The following COLEC10 variants were observed in gnomAD, a reference collection of about 807,000 sequenced individuals.
COLEC10 encodes the protein collectin subfamily member 10.
Under a neutral mutation model 28.4 loss-of-function variants are expected in COLEC10, and 22 were observed. The observed-to-expected ratio is 0.78, with a 90% CI of 0.55 to 1.11. COLEC10 has a LOEUF of 1.11. Ranked by LOEUF, COLEC10 falls within the 50% of genes least tolerant of loss-of-function variation. COLEC10 has a pLI of 0.00. For missense variants in COLEC10, 361 were observed against 344.1 expected (o/e 1.05, Z -0.39); for synonymous variants, 125 against 116.1 (o/e 1.08, Z -0.49).
At chr8:119,044,041 G>A (rs895585271) in intron 2 of COLEC10, among the ~76,000 whole-genome samples, 9 of 152,206 alleles carry the variant, frequency 5.9e-5, no homozygotes, top group African/African-American at 1.9e-4. Context: ...AAGGTACAGG[G>A]AACATATTTA....
chr8:119,104,950 G>A (rs1048014370), intron 5 of COLEC10, among the ~76,000 whole-genome samples: 1 of 152,092 alleles, frequency 6.6e-6, no homozygotes. Flanking sequence ...AAACATACAT[G>A]CCATATTATG....
chr8:119,059,417 A>G (rs1814816485), intron 2 of COLEC10, among the ~76,000 whole-genome samples: 2 of 151,864 alleles, frequency 1.3e-5, no homozygotes, highest in Non-Finnish European at 2.9e-5. Context: ...ATTTCTTTGC[A>G]TGTTGTAGCT....
chr8:119,072,857 G>C (rs933620884), intron 1 of COLEC10, among the ~76,000 whole-genome samples: 2 of 152,158 alleles, frequency 1.3e-5, no homozygotes, highest in African/African-American at 4.8e-5. Context: ...TTTCTCAGAA[G>C]ACCTCTTAGC....
intron 1 of COLEC10, among the ~76,000 whole-genome samples, chr8:119,078,545 T>C (rs762082890): frequency 6.6e-6 from 1 of 152,158 alleles, no homozygotes; most frequent in Non-Finnish European, 1.5e-5. Context: ...GAGTTCTTAA[T>C]TGTGTTTGAG....
At chr8:119,088,432 CT>C (rs1375009834) in intron 1 of COLEC10, among the ~76,000 whole-genome samples, 1 of 152,090 alleles carries the variant, frequency 6.6e-6, no homozygotes, top group Non-Finnish European at 1.5e-5. Flanking sequence ...ATACATTGTC[CT>C]TGCTTTCACT....
At chr8:118,979,937 G>A in the COLEC10 span, among the ~76,000 whole-genome samples, 1 of 152,000 alleles carries the variant, frequency 6.6e-6, no homozygotes, top group African/African-American at 2.4e-5. Context: ...TTGTTGGACT[G>A]ATGGTCTCAG....
At chr8:119,085,596 C>CT (rs1815461810) in intron 1 of COLEC10, among the ~76,000 whole-genome samples, 1 of 81,568 alleles carries the variant, frequency 1.2e-5, no homozygotes, top group Admixed American at 1.3e-4. Flanking sequence ...CTTTCTTCTT[C>CT]TTCTTTTTTT....
chr8:119,024,920 T>A (rs539771725), intron 2 of COLEC10, among the ~76,000 whole-genome samples: 1 of 152,240 alleles, frequency 6.6e-6, no homozygotes, highest in South Asian at 2.1e-4. Flanking sequence ...CGTATGACTC[T>A]TTTTTTAAAC....
chr8:119,019,766 C>T (rs1405038624), intron 2 of COLEC10, among the ~76,000 whole-genome samples: 3 of 152,152 alleles, frequency 2.0e-5, no homozygotes, highest in African/African-American at 4.8e-5. Flanking sequence ...ATTGCCGTCT[C>T]ATATGATGAT....
chr8:118,971,800 G>C, the COLEC10 span, among the ~76,000 whole-genome samples: 2 of 151,966 alleles, frequency 1.3e-5, no homozygotes, highest in Non-Finnish European at 2.9e-5. Flanking sequence ...TAGTGTAGTG[G>C]TGTCAGATCA....
intron 1 of COLEC10, 133 bp from the exon 2 acceptor site, chr8:119,089,547 A>T: frequency 1.5e-6 from 1 of 654,186 alleles, no homozygotes; most frequent in Non-Finnish European, 2.7e-6. Flanking sequence ...ACATACATCC[A>T]TACTCACAGC....
chr8:118,993,920 C>A (rs1202710905), upstream of COLEC10, among the ~76,000 whole-genome samples: 1 of 152,116 alleles, frequency 6.6e-6, no homozygotes, highest in Non-Finnish European at 1.5e-5. Flanking sequence ...CTCAGGTTCA[C>A]TCCTGAATAT....
At chr8:119,039,940 T>C (rs966111239) in intron 2 of COLEC10, among the ~76,000 whole-genome samples, 1 of 152,194 alleles carries the variant, frequency 6.6e-6, no homozygotes, top group Non-Finnish European at 1.5e-5. Context: ...TCCACCTGAA[T>C]TCTTAATTTC....
At chr8:119,027,748 C>T (rs1036341807) in intron 2 of COLEC10, among the ~76,000 whole-genome samples, 1 of 152,276 alleles carries the variant, frequency 6.6e-6, no homozygotes, top group Non-Finnish European at 1.5e-5. Context: ...CTTCCTCTGA[C>T]TTATGTCTTT....
chr8:119,012,793 C>A (rs1487479604), intron 2 of COLEC10, among the ~76,000 whole-genome samples: 2 of 150,168 alleles, frequency 1.3e-5, no homozygotes, highest in Non-Finnish European at 3.0e-5. Flanking sequence ...CTTTTAATAT[C>A]CATTGGATCT....
chr8:119,102,247 C>T, intron 3 of COLEC10, 101 bp from the exon 4 acceptor site: 1 of 308,958 alleles, frequency 3.2e-6, no homozygotes, highest in Non-Finnish European at 6.0e-6. Flanking sequence ...TCCCTCCTTC[C>T]TTCTTTTCCT....
chr8:119,052,588 C>T (rs1438150821), intron 2 of COLEC10, among the ~76,000 whole-genome samples: 1 of 152,076 alleles, frequency 6.6e-6, no homozygotes. Flanking sequence ...CCCATGTCTC[C>T]ATTGACTCAC....
upstream of COLEC10, among the ~76,000 whole-genome samples, chr8:119,064,306 G>A (rs1429565125): frequency 2.6e-5 from 4 of 152,064 alleles, no homozygotes; most frequent in Non-Finnish European, 5.9e-5. Context: ...AAAAAAAGGA[G>A]GGGGGCAGAA....
chr8:119,034,985 G>A (rs943112937), intron 2 of COLEC10, among the ~76,000 whole-genome samples: 7 of 152,182 alleles, frequency 4.6e-5, no homozygotes, highest in Non-Finnish European at 8.8e-5. Context: ...GCAAAGACGA[G>A]TATTCTGAGT....
Sources: allele counts gnomAD v4.1 joint callset (sites outside exome capture counted in the v4.1 genomes callset), GRCh38; gene constraint gnomAD v4.1.1; transcripts MANE v1.5; gene names NCBI Gene and HGNC (gene_info 2026-07-23, HGNC 2026-07-21).